Variants in ADGRL2 observed in about 807,000 individuals in gnomAD.
ADGRL2 encodes the protein adhesion G protein-coupled receptor L2, also known as calcium-independent alpha-latrotoxin receptor 2.
ADGRL2 carries 44 observed loss-of-function variants against 157.4 expected under a neutral mutation model. That is an observed-to-expected ratio of 0.28 (90% CI 0.22 to 0.36). The LOEUF (loss-of-function observed/expected upper bound fraction) is 0.36, where lower values mean the gene tolerates loss of function less well. Ranked by LOEUF, ADGRL2 falls within the 10% of genes least tolerant of loss-of-function variation. ADGRL2 has a pLI of 1.00. For synonymous variants in ADGRL2, 585 were observed against 624.7 expected (o/e 0.94, Z 0.95); for missense variants, 1,510 against 1,768.9 (o/e 0.85, Z 2.63).
intron 3 of ADGRL2, among the ~76,000 whole-genome samples, chr1:81,692,669 T>C (rs2083366898): frequency 6.6e-6 from 1 of 152,358 alleles, no homozygotes; most frequent in East Asian, 1.9e-4. Context: ...ATTTGATCTT[T>C]TTAATAATCT....
intron 2 of ADGRL2, among the ~76,000 whole-genome samples, chr1:81,511,508 C>T (rs545664385): frequency 6.6e-6 from 1 of 151,908 alleles, no homozygotes; most frequent in East Asian, 1.9e-4. Flanking sequence ...ATGATTACTT[C>T]TTTAACATAT....
chr1:81,458,251 A>C (rs2077846962), intron 2 of ADGRL2, among the ~76,000 whole-genome samples: 2 of 152,196 alleles, frequency 1.3e-5, no homozygotes, highest in Admixed American at 1.3e-4. Flanking sequence ...TTACCATGAG[A>C]TCTACCCTCT....
chr1:81,818,395 A>C (rs985226122), intron 1 of ADGRL2, among the ~76,000 whole-genome samples: 8 of 152,150 alleles, frequency 5.3e-5, no homozygotes, highest in Admixed American at 3.9e-4. Flanking sequence ...GGTTTCCTAC[A>C]TTGCCACAGA....
At chr1:81,570,185 T>C (rs929786521) in intron 2 of ADGRL2, among the ~76,000 whole-genome samples, 4 of 152,194 alleles carry the variant, frequency 2.6e-5, no homozygotes, top group African/African-American at 9.7e-5. Context: ...AAGGAAGTGA[T>C]TATCAAGGAA....
chr1:81,363,270 A>G (rs2076008887), intron 1 of ADGRL2, among the ~76,000 whole-genome samples: 2 of 152,096 alleles, frequency 1.3e-5, no homozygotes, highest in African/African-American at 2.4e-5. Flanking sequence ...GTGATATTTC[A>G]GCAATTCCCT....
At chr1:81,772,869 T>C (rs1298605248) in intron 2 of ADGRL2, among the ~76,000 whole-genome samples, 1 of 152,222 alleles carries the variant, frequency 6.6e-6, no homozygotes, top group Admixed American at 6.5e-5. Flanking sequence ...CAAACTTTAA[T>C]ATTTTTATAG....
At position 81,441,350 on chromosome 1, in the gene ADGRL2, G is replaced by T. The variant is rs76342450; in HGVS notation, c.-301-3686G>T. Among the ~76,000 whole-genome samples the T allele has an allele frequency of 6.8e-3, 1,041 of 152,098 alleles. 11 individuals are homozygous for T. The highest frequency in any genetic ancestry group is 0.024 in the African/African-American group (988 of 41,490). On this transcript the variant is annotated intron_variant, in intron 1 of 24. Transcript: ENST00000370721. ...TGCATACACTTCATCTACCTAAATT[G>T]GATTTCTGGTTAATTTACTCCCTGT...
chr1:81,876,662 C>A (rs184210966), intron 2 of ADGRL2, among the ~76,000 whole-genome samples: 5 of 152,104 alleles, frequency 3.3e-5, no homozygotes, highest in Admixed American at 2.0e-4. Flanking sequence ...AATAATCCAA[C>A]ACCCTAATTT....
chr1:81,921,371 A>C (rs1365682378), intron 3 of ADGRL2, among the ~76,000 whole-genome samples: 1 of 152,218 alleles, frequency 6.6e-6, no homozygotes, highest in East Asian at 1.9e-4. Context: ...CAAAACGTGT[A>C]AAAAATTTTA....
intron 2 of ADGRL2, among the ~76,000 whole-genome samples, chr1:81,574,937 C>G (rs993899744): frequency 2.6e-5 from 4 of 152,184 alleles, no homozygotes; most frequent in African/African-American, 7.2e-5. Context: ...TCGTAGCTCC[C>G]CTCTGTGTGT....
At chr1:81,782,341 C>T (rs1253584344) in intron 2 of ADGRL2, among the ~76,000 whole-genome samples, 1 of 152,080 alleles carries the variant, frequency 6.6e-6, no homozygotes, top group Non-Finnish European at 1.5e-5. Context: ...CTTCAAATAA[C>T]CTAAGAAGTC....
chr1:81,545,742 T>A (rs72933298), intron 2 of ADGRL2, among the ~76,000 whole-genome samples: 5,586 of 152,296 alleles, frequency 0.037, 348 homozygotes, highest in African/African-American at 0.13. Flanking sequence ...AAAGTTCACA[T>A]GGCTAGTAAA....
At chr1:81,807,627 C>G (rs2089324294) in intron 1 of ADGRL2, among the ~76,000 whole-genome samples, 1 of 151,802 alleles carries the variant, frequency 6.6e-6, no homozygotes, top group African/African-American at 2.4e-5. Flanking sequence ...AATTATAATC[C>G]TTGACTTAGT....
chr1:81,515,342 CT>C (rs1469836495), intron 2 of ADGRL2: 1 of 151,376 alleles, frequency 6.6e-6, no homozygotes, highest in Non-Finnish European at 1.5e-5. Context: ...TTGTTCAAGG[CT>C]AATAATGTGG....
rs151137822 is a variant in ADGRL2 at position 81,789,407 on chromosome 1, C to G, written c.-101+27555C>G. Among the ~76,000 whole-genome samples, 497 of 152,190 alleles carry G rather than the reference C, an allele frequency of 3.3e-3. 5 individuals are homozygous for G. The highest frequency in any genetic ancestry group is 0.011 in the African/African-American group (446 of 41,530). On this transcript the variant is annotated intron_variant, in intron 2 of 20. Transcript: ENST00000359929. ...TTTTCTTAGACAGCAAAATACTGTA[C>G]TAATACATTTTGAAAACTTTTTTTA... is the stretch of plus-strand genomic sequence containing the variant.
At chr1:81,561,611 C>T (rs1248663914) in intron 2 of ADGRL2, among the ~76,000 whole-genome samples, 1 of 151,816 alleles carries the variant, frequency 6.6e-6, no homozygotes, top group East Asian at 1.9e-4. Flanking sequence ...CAGGCACCCG[C>T]CATCATGCCC....
chr1:81,438,724 C>G (rs565929601), intron 1 of ADGRL2, among the ~76,000 whole-genome samples: 1 of 152,122 alleles, frequency 6.6e-6, no homozygotes, highest in Non-Finnish European at 1.5e-5. Flanking sequence ...TTCCTTTTGG[C>G]TCAATTAGTA....
At position 81,991,347 on chromosome 1, in the gene ADGRL2, TA is replaced by T. The variant is rs1664571819; in HGVS notation, c.*205del. On this transcript the variant is annotated 3_prime_UTR_variant, in exon 24 of 24. Transcript: ENST00000686636. ...AACTTTGTATATACACAGAGTATAC[TA>T]AAGTGAATTATTTGTTACAAAGAAA... 2 of 397,552 alleles carry T rather than the reference TA, an allele frequency of 5.0e-6. No individual in the cohort carries two copies. Among genetic ancestry groups the T allele is most frequent in the Non-Finnish European group, 9.0e-6 (2 of 223,308 alleles). 24.6% of individuals were successfully genotyped at this position (397,552 alleles called of 1,614,324 possible). A position where few individuals can be genotyped will look rare whatever the true frequency, so the allele number is the denominator to read the frequency against.
chr1:81,428,155 G>C (rs1420729909), intron 1 of ADGRL2, among the ~76,000 whole-genome samples: 3 of 152,116 alleles, frequency 2.0e-5, no homozygotes, highest in African/African-American at 7.2e-5. Flanking sequence ...TGCAATGTAA[G>C]GGGAATCTAT....
Sources: gnomAD v4.1 joint callset for allele counts (sites outside exome capture counted in the v4.1 genomes callset) on GRCh38, gnomAD v4.1.1 for gene constraint, MANE v1.5 for transcripts, NCBI Gene and HGNC (gene_info 2026-07-23, HGNC 2026-07-21) for gene names.